SLC6A11: variants seen among roughly 807,000 people sequenced by gnomAD.
SLC6A11 encodes the protein solute carrier family 6 member 11.
A neutral mutation model predicts 74.8 loss-of-function variants in SLC6A11; 25 were observed. The ratio of observed to expected loss-of-function variants is 0.33; its 90% confidence interval spans 0.24 to 0.47. The LOEUF is 0.47. Among genes scored for constraint, SLC6A11 ranks in the 20% least tolerant of loss-of-function variants. SLC6A11 has a pLI of 1.00. For synonymous variants in SLC6A11, 330 were observed against 330.2 expected (o/e 1.00, Z 0.01); for missense variants, 574 against 837.0 (o/e 0.69, Z 3.88).
intron 4 of SLC6A11, among the ~76,000 whole-genome samples, chr3:10,839,244 C>T (rs1017810558): frequency 6.6e-6 from 1 of 152,136 alleles, no homozygotes; most frequent in Non-Finnish European, 1.5e-5. Flanking sequence ...ACCCTGTGGC[C>T]CCTTTAGTTG....
At chr3:10,852,932 G>A (rs1256065757) in intron 5 of SLC6A11, among the ~76,000 whole-genome samples, 2 of 152,214 alleles carry the variant, frequency 1.3e-5, no homozygotes, top group Non-Finnish European at 2.9e-5. Flanking sequence ...AGGCACAGAT[G>A]GTGGCCAAGG....
At chr3:10,825,945 G>A (rs1380592318) in intron 4 of SLC6A11, among the ~76,000 whole-genome samples, 1 of 152,120 alleles carries the variant, frequency 6.6e-6, no homozygotes, top group African/African-American at 2.4e-5. Context: ...GAGCCTGTAA[G>A]GCAAGTCTCC....
At chr3:10,921,313 TTA>T (rs1396861027) in intron 8 of SLC6A11, among the ~76,000 whole-genome samples, 2 of 152,200 alleles carry the variant, frequency 1.3e-5, no homozygotes, top group African/African-American at 2.4e-5. Flanking sequence ...ATTGATGTGG[TTA>T]GGTCCTGAGG....
At chr3:10,848,690 G>A (rs1355026687) in intron 5 of SLC6A11, among the ~76,000 whole-genome samples, 3 of 152,178 alleles carry the variant, frequency 2.0e-5, no homozygotes, top group Admixed American at 6.5e-5. Context: ...CAGAGCATGC[G>A]ACCTGCTAAG....
intron 8 of SLC6A11, among the ~76,000 whole-genome samples, chr3:10,922,957 T>C (rs1358833585): frequency 6.6e-6 from 1 of 151,984 alleles, no homozygotes; most frequent in African/African-American, 2.4e-5. Flanking sequence ...ATTGAACAAA[T>C]AGGTAAATAT....
In SLC6A11 at chr3:10,916,753, T is replaced by C. The variant is rs967523692; in HGVS notation, c.996-1576T>C. ...GAAGGTTGTGAGAGTGATTCCTTGC[T>C]GAAAAATGATTTGATCTAGCGCAAG... On this transcript the variant is annotated intron_variant, in intron 7 of 13. Coordinates refer to ENST00000254488, the MANE Select transcript of SLC6A11 (RefSeq NM_014229.3). Among the ~76,000 whole-genome samples, 24 of 152,216 alleles carry C rather than the reference T, an allele frequency of 1.6e-4. 1 individual carries two copies. The highest frequency in any genetic ancestry group is 1.5e-5 in the Non-Finnish European group (1 of 68,028).
chr3:10,836,784 T>C lies in SLC6A11; in HGVS notation c.624-7430T>C, dbSNP rs542052648. Among the ~76,000 whole-genome samples the C allele has an allele frequency of 3.3e-5, 5 of 152,334 alleles. No individual in the cohort carries two copies. In the East Asian group the frequency reaches 9.6e-4, roughly 29 times the overall value. Reference sequence around the variant, plus strand: ...AACTCAGGACATTGGAGGATTAGTGTTCTTTGGGAAGCATTAGCCTAGGAC... The same window carrying C: ...AACTCAGGACATTGGAGGATTAGTGCTCTTTGGGAAGCATTAGCCTAGGAC... On this transcript the variant is annotated intron_variant, in intron 4 of 13. Transcript: ENST00000254488.
chr3:10,906,653 G>A (rs1695306436), intron 6 of SLC6A11, among the ~76,000 whole-genome samples: 1 of 152,176 alleles, frequency 6.6e-6, no homozygotes, highest in African/African-American at 2.4e-5. Flanking sequence ...AGAGGTCTGG[G>A]CCCTGTGAAC....
rs138642756 is a variant in SLC6A11, at chr3:10,912,705, C to T, written c.995+512C>T. On this transcript the variant is annotated intron_variant, in intron 7 of 13. Coordinates refer to ENST00000254488, the MANE Select transcript of SLC6A11 (RefSeq NM_014229.3). ...CTGGGAGGGGGTTCAGGTGAGGAGG[C>T]GAGCCCCAGTGTCTGACCCTTGGCT... 7.6e-3 allele frequency among the ~76,000 whole-genome samples: 1,154 copies of T among 152,324 alleles called. 8 individuals carry two copies. The highest frequency in any genetic ancestry group is 0.017 in the South Asian group (82 of 4,824).
At chr3:10,933,352 C>T in intron 11 of SLC6A11, 99 bp downstream of exon 11, 1 of 829,380 alleles carries the variant, frequency 1.2e-6, no homozygotes, top group Non-Finnish European at 2.1e-6. Context: ...TGTGGCTTAT[C>T]TTGGTCTATA....
intron 6 of SLC6A11, among the ~76,000 whole-genome samples, chr3:10,891,674 G>A (rs1695109086): frequency 6.6e-6 from 1 of 152,176 alleles, no homozygotes; most frequent in Admixed American, 6.5e-5. Context: ...GCCAGAGAGA[G>A]GATATGGCTC....
intron 8 of SLC6A11, among the ~76,000 whole-genome samples, chr3:10,921,369 G>GAAGTGTCAGATGTGTGGTGGAAGTGCAA (rs1357163110): frequency 2.0e-5 from 3 of 152,188 alleles, no homozygotes; most frequent in African/African-American, 4.8e-5. Context: ...TCAGAAGTGG[G>GAAGTGTCAGATGTGTGGTGGAAGTGCAA]AAGTGTCAGA....
chr3:10,930,314 C>A (rs1482755956), intron 10 of SLC6A11, among the ~76,000 whole-genome samples: 1 of 152,068 alleles, frequency 6.6e-6, no homozygotes, highest in Non-Finnish European at 1.5e-5. Flanking sequence ...CTATGGTCCA[C>A]CTGTTCACCT....
In SLC6A11 at chr3:10,896,375, GCA is replaced by G. The variant is rs769861545; in HGVS notation, c.892-15711_892-15710del. On this transcript the variant is annotated intron_variant, in intron 6 of 13. Coordinates refer to ENST00000254488, the MANE Select transcript of SLC6A11 (RefSeq NM_014229.3). ...ATTTACTGTGAGCCAGGTGCTCTGT[GCA>G]CACTCTACAAACCTAGTCTCATTTT... 2.6e-5 allele frequency among the ~76,000 whole-genome samples: 4 copies of G among 152,334 alleles called. No individual in the cohort carries two copies. In the Middle Eastern group the frequency reaches 0.01, roughly 389 times the overall value.
At chr3:10,823,792 C>G (rs1694168926) in intron 4 of SLC6A11, 1 of 169,376 alleles carries the variant, frequency 5.9e-6, no homozygotes. Flanking sequence ...CTTTCAGTAG[C>G]TGAAGTGTCA....
chr3:10,844,136 C>T, intron 4 of SLC6A11, 78 bp from the exon 5 acceptor site: 1 of 1,564,844 alleles, frequency 6.4e-7, no homozygotes, highest in Admixed American at 1.7e-5. Flanking sequence ...TGGGCCCATC[C>T]CTGCTCCTCT....
intron 10 of SLC6A11, among the ~76,000 whole-genome samples, 172 bp downstream of exon 10, chr3:10,929,511 C>T (rs547983265): frequency 1.3e-5 from 2 of 152,220 alleles, no homozygotes; most frequent in East Asian, 3.9e-4. Flanking sequence ...CTCATCAGGC[C>T]CTCAGCACAG....
chr3:10,934,854 G>T (rs1695737388), intron 12 of SLC6A11, among the ~76,000 whole-genome samples, 175 bp from the exon 13 acceptor site: 1 of 152,222 alleles, frequency 6.6e-6, no homozygotes, highest in African/African-American at 2.4e-5. Context: ...GCTCTAGCCT[G>T]CTGTGCCTCA....
intron 13 of SLC6A11, chr3:10,935,493 G>T: frequency 2.9e-6 from 1 of 343,984 alleles, no homozygotes; most frequent in South Asian, 4.3e-5. Flanking sequence ...GTTCATATAG[G>T]AAAAGCCCTG....
Sources: allele counts gnomAD v4.1 joint callset (sites outside exome capture counted in the v4.1 genomes callset), GRCh38; gene constraint gnomAD v4.1.1; transcripts MANE v1.5; gene names NCBI Gene and HGNC (gene_info 2026-07-23, HGNC 2026-07-21).